The following MYBPHL variants were observed in gnomAD, a reference collection of about 807,000 sequenced individuals.
MYBPHL encodes the protein myosin binding protein H like.
In MYBPHL, 32 loss-of-function variants were observed where a neutral mutation model predicts 39.5. The observed-to-expected ratio is 0.81, with a 90% confidence interval of 0.61 to 1.09. The LOEUF (loss-of-function observed/expected upper bound fraction) is 1.09, where lower values mean the gene tolerates loss of function less well. Ranked by LOEUF, MYBPHL falls within the 50% of genes least tolerant of loss-of-function variation. MYBPHL has a pLI of 0.00. For synonymous variants in MYBPHL, 196 were observed against 183.7 expected (o/e 1.07, Z -0.54); for missense variants, 456 against 460.2 (o/e 0.99, Z 0.08).
rs3861915 is a variant in MYBPHL at position 109,296,133 on chromosome 1, G to T, written c.867+101C>A. The T allele has an allele frequency of 7.8e-5, 113 of 1,452,328 alleles. 2 individuals carry two copies. The East Asian group carries it at 9.9e-4, about 13-fold the overall frequency. The allele number at this position is 1,452,328 out of a possible 1,614,324, so 90.0% of individuals were successfully genotyped here. ...GTAGAAGAGGCAGATGGCGGTGATG[G>T]TAACAGATGTTATGTTACAGTGCTC... On this transcript the variant is annotated intron_variant, in intron 6 of 8. Coordinates refer to ENST00000357155, the MANE Select transcript of MYBPHL (RefSeq NM_001010985.3).
chr1:109,296,446 T>C (rs1658067801), intron 5 of MYBPHL, 76 bp from the exon 6 acceptor site: 1 of 1,559,912 alleles, frequency 6.4e-7, no homozygotes, highest in East Asian at 2.2e-5. Context: ...TTAGTATTTT[T>C]TTTTTTTTTT....
chr1:109,294,791 T>A (rs1657995552), intron 7 of MYBPHL, among the ~76,000 whole-genome samples: 1 of 152,174 alleles, frequency 6.6e-6, no homozygotes, highest in South Asian at 2.1e-4. Context: ...AGACCTGGGC[T>A]ATTTCCACCA....
chr1:109,303,270 C>T (rs556967237), intron 1 of MYBPHL, among the ~76,000 whole-genome samples: 1 of 152,294 alleles, frequency 6.6e-6, no homozygotes, highest in African/African-American at 2.4e-5. Flanking sequence ...CTCTCACTAC[C>T]TAGCACCCCT....
At chr1:109,299,207 G>A (rs556317662) in intron 1 of MYBPHL, among the ~76,000 whole-genome samples, 11 of 152,292 alleles carry the variant, frequency 7.2e-5, no homozygotes, top group African/African-American at 2.4e-4. Context: ...TCGCCTGGCT[G>A]ATATTATCTT....
chr1:109,298,968 A>G (rs1658185883), intron 1 of MYBPHL, among the ~76,000 whole-genome samples: 1 of 152,184 alleles, frequency 6.6e-6, no homozygotes, highest in African/African-American at 2.4e-5. Context: ...TAGAGATTAG[A>G]TGATGTGTAT....
intron 1 of MYBPHL, among the ~76,000 whole-genome samples, chr1:109,302,781 A>G (rs1180971635): frequency 1.3e-5 from 2 of 152,170 alleles, no homozygotes; most frequent in Non-Finnish European, 2.9e-5. Context: ...CACCACCTCT[A>G]TAACAGAGAT....
At position 109,296,869 on chromosome 1, in the gene MYBPHL, T is replaced by C. The variant is rs200779628; in HGVS notation, c.644A>G (p.Tyr215Cys). The C allele has an allele frequency of 3.8e-5, 62 of 1,613,992 alleles. No homozygotes were observed. The highest frequency in any genetic ancestry group is 4.9e-5 in the Non-Finnish European group (58 of 1,180,018). The stretch of plus-strand genomic sequence containing the variant: ...GTTTTCAGCAAAGACACGGAAGGCA[T>C]AGGAGTTGCCGATGATGAGGTCAGA... ...IVSDLIIGNS[Y>C]AFRVFAENQC... Residue 215 changes from tyrosine (Y) to cysteine (C), a missense_variant, in exon 5 of 9, where the codon TAT becomes TGT. Tyr to Cys is a radical substitution (Grantham distance 194, BLOSUM62 -2). Transcript: ENST00000357155.
chr1:109,296,519 A>G (rs1658070306), intron 5 of MYBPHL, 149 bp from the exon 6 acceptor site: 3 of 1,067,688 alleles, frequency 2.8e-6, no homozygotes, highest in South Asian at 3.0e-5. Flanking sequence ...GCTCACTGCA[A>G]CCTCCAACTC....
intron 8 of MYBPHL, among the ~76,000 whole-genome samples, chr1:109,293,872 T>C (rs772755582): frequency 3.3e-5 from 5 of 152,104 alleles, no homozygotes; most frequent in Non-Finnish European, 4.4e-5. Context: ...GAGACCAGCC[T>C]GGCCAACATG....
intron 8 of MYBPHL, 108 bp downstream of exon 8, chr1:109,294,098 G>T: frequency 1.3e-6 from 1 of 753,088 alleles, no homozygotes; most frequent in Non-Finnish European, 2.3e-6. Flanking sequence ...GTGGCCACCA[G>T]TGGATACATG....
At chr1:109,298,116 C>CA in intron 2 of MYBPHL, 53 bp downstream of exon 2, 2 of 1,482,960 alleles carry the variant, frequency 1.3e-6, no homozygotes, top group Non-Finnish European at 1.8e-6. Flanking sequence ...TTTCCAAATC[C>CA]AAAACCTGCA....
At position 109,294,213 on chromosome 1, in the gene MYBPHL, A is replaced by C; in HGVS notation, c.*26T>G. The C allele has an allele frequency of 6.3e-7, 1 of 1,594,124 alleles. No individual in the cohort carries two copies. The highest frequency in any genetic ancestry group is 8.6e-7 in the Non-Finnish European group (1 of 1,161,780). On this transcript the variant is annotated 3_prime_UTR_variant, in exon 8 of 9. Coordinates refer to ENST00000357155, the MANE Select transcript of MYBPHL (RefSeq NM_001010985.3). ...TTGCCTCTCTTTACTTACCTTTGTC[A>C]GAGTACCATGCCTTCTTAGGTGTCC...
chr1:109,305,027 A>G (rs1658415000), intron 1 of MYBPHL, among the ~76,000 whole-genome samples: 1 of 152,148 alleles, frequency 6.6e-6, no homozygotes, highest in African/African-American at 2.4e-5. Context: ...GGGGTCATCT[A>G]GTCCAGGCCC....
intron 1 of MYBPHL, among the ~76,000 whole-genome samples, chr1:109,301,392 A>G (rs1658271657): frequency 6.6e-6 from 1 of 152,206 alleles, no homozygotes; most frequent in Non-Finnish European, 1.5e-5. Flanking sequence ...CTCTCTCTGT[A>G]CAATGTTTCT....
At chr1:109,302,254 G>GAAAAA (rs1658318675) in intron 1 of MYBPHL, among the ~76,000 whole-genome samples, 1 of 152,108 alleles carries the variant, frequency 6.6e-6, no homozygotes, top group Admixed American at 6.6e-5. Flanking sequence ...GCTAGCTATG[G>GAAAAA]CTTTGAAACT....
In MYBPHL at chr1:109,297,607, T is replaced by C. The variant is rs1658130273; in HGVS notation, c.245A>G (p.Lys82Arg). 3 of 1,613,148 alleles carry C rather than the reference T, an allele frequency of 1.9e-6. No homozygotes were observed. In the African/African-American group the frequency reaches 4.0e-5, roughly 22 times the overall value. The stretch of plus-strand genomic sequence containing the variant: ...ATCATGTGTCCAGATGGCTTGAGGT[T>C]TGGGCTTGCCCTGAGGAATGAGGGT... ...NLLIPFQGKP[K>R]PQAIWTHDGC... Residue 82 changes from lysine to arginine, a missense_variant, in exon 3 of 9, where the codon AAA becomes AGA. Physicochemically the swap from Lys to Arg is conservative, Grantham distance 26 (BLOSUM62 2). Transcript: ENST00000357155.
chr1:109,293,118 T>A (rs80096792), intron 8 of MYBPHL: 1 of 152,152 alleles, frequency 6.6e-6, no homozygotes. Flanking sequence ...CATTTTTTTT[T>A]ACCATGCTCA....
At chr1:109,306,080 C>A (rs1658455670) in intron 1 of MYBPHL, among the ~76,000 whole-genome samples, 1 of 152,212 alleles carries the variant, frequency 6.6e-6, no homozygotes, top group South Asian at 2.1e-4. Flanking sequence ...CCTCTTCCTG[C>A]CCTAGGAGTC....
chr1:109,298,779 A>G (rs1302656488), intron 1 of MYBPHL, among the ~76,000 whole-genome samples: 1 of 152,032 alleles, frequency 6.6e-6, no homozygotes, highest in Non-Finnish European at 1.5e-5. Flanking sequence ...CGGAGACAAC[A>G]CTGATGTCAC....
Sources: gnomAD v4.1 joint callset for allele counts (sites outside exome capture counted in the v4.1 genomes callset) on GRCh38, gnomAD v4.1.1 for gene constraint, MANE v1.5 for transcripts, NCBI Gene and HGNC (gene_info 2026-07-23, HGNC 2026-07-21) for gene names.